Variants in GPHN observed in about 807,000 individuals in gnomAD.
The protein encoded by GPHN is gephyrin.
Under a neutral mutation model 95.5 loss-of-function variants are expected in GPHN, and 17 were observed. The observed-to-expected ratio is 0.18, with a 90% CI of 0.12 to 0.27. The LOEUF is 0.27. Ranked by LOEUF, GPHN falls within the 10% of genes least tolerant of loss-of-function variation. GPHN has a pLI of 1.00. For missense variants in GPHN, 660 were observed against 978.1 expected, an observed-to-expected ratio of 0.67 and a Z score of 4.34; for synonymous variants, 320 against 322.5, an observed-to-expected ratio of 0.99 and a Z score of 0.08.
the GPHN span, chr14:67,648,101 G>A: frequency 1.2e-6 from 2 of 1,613,792 alleles, 1 homozygote; most frequent in Admixed American, 3.3e-5. Flanking sequence ...ACCCTACACT[G>A]GCTCCAGCCA....
At chr14:66,902,745 G>A (rs1028991181) in intron 5 of GPHN, among the ~76,000 whole-genome samples, 2 of 152,060 alleles carry the variant, frequency 1.3e-5, no homozygotes, top group African/African-American at 4.8e-5. Context: ...TCAATGTGTT[G>A]TTGAACTTGG....
the GPHN span, among the ~76,000 whole-genome samples, chr14:67,193,572 G>GATATAGATATATCTAT: frequency 7.1e-6 from 1 of 140,230 alleles, no homozygotes; most frequent in South Asian, 2.2e-4. Flanking sequence ...TATCTATATA[G>GATATAGATATATCTAT]ATCTATATAT....
the GPHN span, among the ~76,000 whole-genome samples, chr14:67,433,899 T>C: frequency 6.6e-6 from 1 of 152,196 alleles, no homozygotes; most frequent in Non-Finnish European, 1.5e-5. Flanking sequence ...GTTTCCACTG[T>C]GATGAGAAGA....
intron 1 of GPHN, among the ~76,000 whole-genome samples, chr14:66,652,271 A>G (rs1350977448): frequency 2.0e-5 from 3 of 152,194 alleles, no homozygotes; most frequent in Admixed American, 6.5e-5. Context: ...TCATTCCCCT[A>G]TTGATAAGCA....
At chr14:67,062,152 C>T (rs968843859) in intron 11 of GPHN, among the ~76,000 whole-genome samples, 6 of 151,918 alleles carry the variant, frequency 3.9e-5, no homozygotes, top group Admixed American at 2.6e-4. Context: ...AAAATAAAGC[C>T]TAGAAAAAAA....
At chr14:66,894,847 G>T (rs2064745286) in intron 5 of GPHN, among the ~76,000 whole-genome samples, 2 of 152,176 alleles carry the variant, frequency 1.3e-5, no homozygotes, top group Non-Finnish European at 2.9e-5. Flanking sequence ...TCATTAAAAA[G>T]TCAGGAAACA....
chr14:67,715,138 A>T, the GPHN span: 1,811 of 151,334 alleles, frequency 0.012, 48 homozygotes, highest in African/African-American at 0.041. Context: ...TGTGAAGCTC[A>T]CTTTGTGAGA....
the GPHN span, among the ~76,000 whole-genome samples, chr14:67,525,884 TC>T: frequency 6.6e-6 from 1 of 152,186 alleles, no homozygotes; most frequent in Non-Finnish European, 1.5e-5. Context: ...ACTTTCAAGA[TC>T]AAACCATTCC....
chr14:66,859,242 C>G (rs2062928320), intron 4 of GPHN, among the ~76,000 whole-genome samples: 1 of 152,144 alleles, frequency 6.6e-6, no homozygotes, highest in African/African-American at 2.4e-5. Context: ...CCCAGCTGAC[C>G]CATACTACTG....
intron 9 of GPHN, among the ~76,000 whole-genome samples, chr14:66,989,065 A>C (rs1372574748): frequency 6.6e-6 from 1 of 152,052 alleles, no homozygotes; most frequent in East Asian, 1.9e-4. Context: ...GATTATTGAA[A>C]TACAAAGTGA....
At chr14:67,428,785 TATC>T in the GPHN span, among the ~76,000 whole-genome samples, 1 of 152,314 alleles carries the variant, frequency 6.6e-6, no homozygotes, top group African/African-American at 2.4e-5. Context: ...TAGTATTAGT[TATC>T]ATCTGCCGGC....
chr14:67,042,450 T>C (rs1487331939), intron 10 of GPHN, among the ~76,000 whole-genome samples: 1 of 152,194 alleles, frequency 6.6e-6, no homozygotes, highest in Non-Finnish European at 1.5e-5. Context: ...TGCATAGGGC[T>C]AACCAGTTTT....
chr14:67,149,351 G>C (rs530394263), intron 18 of GPHN, among the ~76,000 whole-genome samples: 33 of 152,108 alleles, frequency 2.2e-4, no homozygotes, highest in Non-Finnish European at 3.5e-4. Context: ...TCTCAAAAAA[G>C]AAGAAAAGAA....
chr14:66,888,277 G>A (rs2064301607), intron 5 of GPHN, among the ~76,000 whole-genome samples: 1 of 151,948 alleles, frequency 6.6e-6, no homozygotes, highest in Non-Finnish European at 1.5e-5. Context: ...TCAAACTAGA[G>A]AAAATCGAAA....
At chr14:67,013,603 C>G (rs778361419) in intron 9 of GPHN, among the ~76,000 whole-genome samples, 2 of 152,036 alleles carry the variant, frequency 1.3e-5, no homozygotes, top group Non-Finnish European at 2.9e-5. Context: ...TACACACTTT[C>G]TAAGCTCTTG....
chr14:67,152,675 T>C (rs1169494869), intron 18 of GPHN, among the ~76,000 whole-genome samples: 1 of 152,152 alleles, frequency 6.6e-6, no homozygotes, highest in Non-Finnish European at 1.5e-5. Context: ...GGAATAAAAT[T>C]ATGTTCACTG....
At chr14:66,594,560 A>G (rs979921266) in intron 1 of GPHN, among the ~76,000 whole-genome samples, 2 of 152,178 alleles carry the variant, frequency 1.3e-5, no homozygotes, top group Admixed American at 1.3e-4. Context: ...AGATCACACA[A>G]TGGGGGAAGG....
the GPHN span, among the ~76,000 whole-genome samples, chr14:67,598,256 G>A: frequency 6.6e-6 from 1 of 152,294 alleles, no homozygotes; most frequent in East Asian, 1.9e-4. Context: ...AAAGGAAGAT[G>A]CGGTCACTGA....
intron 10 of GPHN, among the ~76,000 whole-genome samples, chr14:67,025,461 G>A (rs75488242): frequency 6.6e-6 from 1 of 152,206 alleles, no homozygotes; most frequent in African/African-American, 2.4e-5. Context: ...TTTCTGTTTT[G>A]TTAGTGAGAG....
Sources: allele counts gnomAD v4.1 joint callset (sites outside exome capture counted in the v4.1 genomes callset), GRCh38; gene constraint gnomAD v4.1.1; transcripts MANE v1.5; gene names NCBI Gene and HGNC (gene_info 2026-07-23, HGNC 2026-07-21).